Variants in WWOX observed in about 807,000 individuals in gnomAD.
WWOX encodes WW domain-containing oxidoreductase.
A neutral mutation model predicts 46.2 loss-of-function variants in WWOX; 69 were observed. That is an observed-to-expected ratio of 1.49 (90% confidence interval 1.23 to 1.82). The LOEUF (loss-of-function observed/expected upper bound fraction) is 1.82. WWOX is among the 40% of genes most tolerant of loss of function. The probability of loss-of-function intolerance (pLI) is 0.00; values close to 1 mark genes in which losing one functional copy is unlikely to be tolerated. For synonymous variants in WWOX, 359 were observed against 202.6 expected (o/e 1.77, Z -6.56); for missense variants, 919 against 542.6 (o/e 1.69, Z -6.89).
chr16:78,909,359 C>T (rs1461396107), intron 8 of WWOX, among the ~76,000 whole-genome samples: 2 of 152,136 alleles, frequency 1.3e-5, no homozygotes, highest in Non-Finnish European at 1.5e-5. Context: ...CTTCGAGCCT[C>T]ATGTATTCTC....
intron 8 of WWOX, among the ~76,000 whole-genome samples, chr16:78,948,075 A>G (rs982326820): frequency 1.3e-5 from 2 of 152,214 alleles, no homozygotes; most frequent in African/African-American, 4.8e-5. Context: ...GCCGTCAGAG[A>G]GAGTTCAACT....
intron 8 of WWOX, among the ~76,000 whole-genome samples, chr16:79,029,259 T>G (rs2550698): frequency 0.14 from 21,731 of 151,958 alleles, 1,627 homozygotes; most frequent in East Asian, 0.2. Flanking sequence ...CGTCTTTGAG[T>G]TTTCACGCGG....
chr16:78,439,281 C>G (rs893065666), intron 8 of WWOX, among the ~76,000 whole-genome samples: 2 of 152,200 alleles, frequency 1.3e-5, no homozygotes, highest in African/African-American at 4.8e-5. Flanking sequence ...TTGCCTTTCT[C>G]TTGCCAGTCC....
At chr16:79,113,661 C>G (rs1313335372) in intron 8 of WWOX, among the ~76,000 whole-genome samples, 1 of 152,216 alleles carries the variant, frequency 6.6e-6, no homozygotes, top group Non-Finnish European at 1.5e-5. Context: ...TTGCACTAAA[C>G]TGCTCTCAGC....
intron 8 of WWOX, among the ~76,000 whole-genome samples, chr16:78,730,961 T>C (rs1476920293): frequency 1.3e-5 from 2 of 152,148 alleles, no homozygotes; most frequent in Admixed American, 6.5e-5. Flanking sequence ...ATTATTATCA[T>C]TAACAAAGTA....
chr16:78,490,189 C>T (rs546977533), intron 8 of WWOX, among the ~76,000 whole-genome samples: 13 of 144,602 alleles, frequency 9.0e-5, no homozygotes, highest in Non-Finnish European at 1.5e-4. Context: ...GTTGACCTTT[C>T]CTTATCAAGG....
chr16:78,398,194 A>G (rs543172728), intron 6 of WWOX, among the ~76,000 whole-genome samples: 30 of 152,258 alleles, frequency 2.0e-4, no homozygotes, highest in African/African-American at 5.5e-4. Context: ...CTGTTTGGCA[A>G]TGTCCTGCTA....
intron 8 of WWOX, among the ~76,000 whole-genome samples, chr16:78,728,874 G>T (rs572510024): frequency 2.0e-5 from 3 of 152,278 alleles, no homozygotes; most frequent in South Asian, 4.1e-4. Flanking sequence ...TTACATGGAG[G>T]TCACAAGAAT....
At chr16:78,668,317 T>C (rs945407325) in intron 8 of WWOX, among the ~76,000 whole-genome samples, 3 of 152,114 alleles carry the variant, frequency 2.0e-5, no homozygotes, top group Admixed American at 2.0e-4. Context: ...TTAACTCTCA[T>C]ACCCCCACGC....
At chr16:78,646,298 G>A (rs74616795) in intron 8 of WWOX, among the ~76,000 whole-genome samples, 8,751 of 152,190 alleles carry the variant, frequency 0.058, 325 homozygotes, top group South Asian at 0.16. Flanking sequence ...ATAGGTGTGA[G>A]CCAGTACACT....
At chr16:79,198,160 ACT>A (rs2051277021) in intron 8 of WWOX, among the ~76,000 whole-genome samples, 2 of 146,320 alleles carry the variant, frequency 1.4e-5, no homozygotes, top group African/African-American at 5.4e-5. Context: ...CCCCGTCTCT[ACT>A]AAAAAAAAAA....
At chr16:78,793,362 CT>C (rs2050657320) in intron 8 of WWOX, among the ~76,000 whole-genome samples, 1 of 152,198 alleles carries the variant, frequency 6.6e-6, no homozygotes, top group Non-Finnish European at 1.5e-5. Flanking sequence ...TGCCAGGCCC[CT>C]GCCTCTGTTT....
intron 8 of WWOX, among the ~76,000 whole-genome samples, chr16:78,993,425 C>A (rs930519850): frequency 4.6e-5 from 7 of 152,134 alleles, no homozygotes; most frequent in African/African-American, 1.7e-4. Context: ...CCTCTCCTCT[C>A]GGACATGACA....
At chr16:78,945,076 A>G (rs2045923640) in intron 8 of WWOX, among the ~76,000 whole-genome samples, 1 of 152,076 alleles carries the variant, frequency 6.6e-6, no homozygotes, top group Admixed American at 6.6e-5. Context: ...GGTACTTGGG[A>G]GGCTGAGGTA....
At chr16:78,145,022 A>G (rs2034150507) in intron 4 of WWOX, among the ~76,000 whole-genome samples, 2 of 152,142 alleles carry the variant, frequency 1.3e-5, no homozygotes, top group South Asian at 4.1e-4. Flanking sequence ...TTAGTTTGCT[A>G]GAGCTGCTGT....
At chr16:78,891,092 T>A (rs1362525152) in intron 8 of WWOX, 1 of 152,230 alleles carries the variant, frequency 6.6e-6, no homozygotes, top group Non-Finnish European at 1.5e-5. Context: ...GATGAATGAA[T>A]AAAGTGAAAT....
chr16:78,511,445 G>A (rs1280377631), intron 8 of WWOX, among the ~76,000 whole-genome samples: 2 of 152,198 alleles, frequency 1.3e-5, no homozygotes, highest in African/African-American at 4.8e-5. Context: ...CATGCACGTT[G>A]CAGGCACGTT....
chr16:78,418,923 C>G lies in WWOX; in HGVS notation c.606-5947C>G, dbSNP rs192126559. On this transcript the variant is annotated intron_variant, in intron 6 of 8. Coordinates refer to ENST00000566780, the MANE Select transcript of WWOX (RefSeq NM_016373.4). ...TCACTCTCATCACTTTAATATTCTACTAGAAATCCTAGCTAGGGAAATTGG... is the reference window on the plus strand; with the variant it reads ...TCACTCTCATCACTTTAATATTCTAGTAGAAATCCTAGCTAGGGAAATTGG... 5.4e-3 allele frequency among the ~76,000 whole-genome samples: 825 copies of G among 151,958 alleles called. 14 individuals carry two copies. The highest frequency in any genetic ancestry group is 0.02 in the South Asian group (97 of 4,814).
At chr16:78,327,869 ATTTTTTTTTTT>A (rs762650030) in intron 5 of WWOX, among the ~76,000 whole-genome samples, 3 of 81,082 alleles carry the variant, frequency 3.7e-5, no homozygotes, top group Non-Finnish European at 6.5e-5. Context: ...ATGAGTCCTG[ATTTTTTTTTTT>A]TTTTTTTTTT....
Sources: gnomAD v4.1 joint callset for allele counts (sites outside exome capture counted in the v4.1 genomes callset) on GRCh38, gnomAD v4.1.1 for gene constraint, MANE v1.5 for transcripts, NCBI Gene and HGNC (gene_info 2026-07-23, HGNC 2026-07-21) for gene names.